The following CST9 variants were observed in gnomAD, a reference collection of about 807,000 sequenced individuals.
The protein encoded by CST9 is cystatin-9.
A neutral mutation model predicts 7.7 loss-of-function variants in CST9; 11 were observed. The ratio of observed to expected loss-of-function variants is 1.44; its 90% CI spans 0.90 to 2.38. The LOEUF is 2.38. Among genes scored for constraint, CST9 ranks in the 30% most tolerant of loss-of-function variants. CST9 has a pLI of 0.00. For missense variants in CST9, 214 were observed against 199.1 expected, an observed-to-expected ratio of 1.07 and a Z score of -0.45; for synonymous variants, 71 against 74.3, an observed-to-expected ratio of 0.96 and a Z score of 0.23.
Position 23,603,185 on chromosome 20 carries a change from G to A in CST9, c.*325C>T. The A allele has an allele frequency of 3.4e-6, 4 of 1,193,776 alleles. No homozygotes were observed. The highest frequency in any genetic ancestry group is 4.2e-6 in the Non-Finnish European group (4 of 957,110). 73.9% of individuals were successfully genotyped at this position (1,193,776 alleles called of 1,614,324 possible). On this transcript the variant is annotated 3_prime_UTR_variant, in exon 2 of 2. Transcript: ENST00000376971. ...TGCTGCAGCTCAGCAGGGCCTAGGA[G>A]CGAGGGCAGTGGGGCTTCTTCTCAG...
rs2983639 is a variant in CST9, at chr20:23,605,547, T to C, written c.255+63A>G. 1,269,939 of 1,567,536 alleles carry C rather than the reference T, an allele frequency of 0.81. 519,241 individuals carry two copies. Among genetic ancestry groups the C allele is most frequent in the Non-Finnish European group, 0.83 (955,993 of 1,151,976 alleles). On this transcript the variant is annotated intron_variant, in intron 1 of 1. Transcript: ENST00000376971. ...TGAACCAAGTCTCCTAGACTAGACA[T>C]CTTGGTCCCTCACTTAGGGGCAGAT... is the stretch of plus-strand genomic sequence containing the variant.
In CST9 at chr20:23,603,738, T is replaced by C. The variant is rs772014332; in HGVS notation, c.256-4A>G. On this transcript the variant is annotated splice_region_variant and splice_polypyrimidine_tract_variant and intron_variant, in intron 1 of 1. Transcript: ENST00000376971. ...AGAACACCATCTTACCTCGCCACTG[T>C]TGGACAAAAGAAGATTAAAGTGGAT... The C allele has an allele frequency of 1.2e-6, 2 of 1,614,136 alleles. No homozygotes were observed. The highest frequency in any genetic ancestry group is 2.2e-5 in the South Asian group (2 of 91,078).
At position 23,603,717 on chromosome 20, in the gene CST9, C is replaced by T. The variant is rs1241365941; in HGVS notation, c.273G>A (p.Val91=). The T allele has an allele frequency of 2.5e-6, 4 of 1,614,218 alleles. No individual in the cohort carries two copies. In the Admixed American group the frequency reaches 5.0e-5, roughly 20 times the overall value. ...GGCGCAGTTGCAGATTCATGGAGAA[C>T]ACCATCTTACCTCGCCACTGTTGGA... ...SMDRKWRGKM[V]FSMNLQLRQT... is the part of the protein sequence containing the mutation. Residue 91 remains valine (V), a synonymous_variant, in exon 2 of 2, where the codon GTG becomes GTA. Coordinates refer to ENST00000376971, the MANE Select transcript of CST9 (RefSeq NM_001008693.3).
Position 23,603,545 on chromosome 20 carries a change from CT to C in CST9, c.444del (p.Ala149LeufsTer53), listed in dbSNP as rs777334307. The C allele has an allele frequency of 6.2e-7, 1 of 1,614,214 alleles. No homozygotes were observed. The highest frequency in any genetic ancestry group is 1.7e-5 in the Admixed American group (1 of 60,032). ...CCMGCGVGTG[A>X]ADKAIPRDKG... ...TTGTCCCTCGGAATGGCTTTGTCAGCTGCTCCTGTGCCCACACCACACCCCA... is the reference window on the plus strand; with the variant it reads ...TTGTCCCTCGGAATGGCTTTGTCAGCGCTCCTGTGCCCACACCACACCCCA... On this transcript the variant is annotated frameshift_variant, in exon 2 of 2. Transcript: ENST00000376971. LOFTEE classifies it low-confidence loss of function (END_TRUNC).
rs1002840571 is a variant in CST9, at chr20:23,605,909, G to A, written c.-45C>T. On this transcript the variant is annotated 5_prime_UTR_variant, in exon 1 of 2. Transcript: ENST00000376971. ...CTTGCCTTTGCCCTTCAGATCCCTGGCGTCCACTGGAGCCTTCCAGGGCTC... is the reference window on the plus strand; with the variant it reads ...CTTGCCTTTGCCCTTCAGATCCCTGACGTCCACTGGAGCCTTCCAGGGCTC... 1.9e-6 allele frequency: 3 copies of A among 1,606,490 alleles called. No homozygotes were observed. The highest frequency in any genetic ancestry group is 2.7e-5 in the African/African-American group (2 of 74,682).
At position 23,605,727 on chromosome 20, in the gene CST9, C is replaced by T. The variant is rs760094100; in HGVS notation, c.138G>A (p.Met46Ile). The change falls in exon 1 of 2, where the codon ATG becomes ATA. Residue 46 changes from methionine (M) to isoleucine (I), a missense_variant. Coordinates refer to ENST00000376971, the MANE Select transcript of CST9 (RefSeq NM_001008693.3). Reference protein sequence around the residue: ...GGNNKIVQDPMFLATVEFALN... With the variant: ...GGNNKIVQDPIFLATVEFALN... The stretch of plus-strand genomic sequence containing the variant: ...AGGCAAACTCCACTGTGGCGAGGAA[C>T]ATAGGATCCTGGACTATTTTATTAT... 14 of 1,614,124 alleles carry T rather than the reference C, an allele frequency of 8.7e-6. No homozygotes were observed. The highest frequency in any genetic ancestry group is 1.6e-4 in the Middle Eastern group (1 of 6,084).
rs569509447 is a variant in CST9, at chr20:23,605,648, C to T, written c.217G>A (p.Val73Ile). Residue 73 changes from valine to isoleucine, a missense_variant, in exon 1 of 2, where the codon GTC (valine) becomes ATC (isoleucine). By Grantham distance (29) the Val-to-Ile change is conservative (BLOSUM62 3). Coordinates refer to ENST00000376971, the MANE Select transcript of CST9 (RefSeq NM_001008693.3). ...KEEHAYRLLR[V>I]LSSWREDSMD... ...CTATCCTCCCTCCATGAACTCAGGACGCGCAACAGCCTGTAGGCATGCTCC... is the reference window on the plus strand; with the variant it reads ...CTATCCTCCCTCCATGAACTCAGGATGCGCAACAGCCTGTAGGCATGCTCC... The T allele has an allele frequency of 9.9e-6, 16 of 1,614,112 alleles. No homozygotes were observed. The East Asian group carries it at 1.3e-4, about 13-fold the overall frequency.
At position 23,603,300 on chromosome 20, in the gene CST9, C is replaced by G; in HGVS notation, c.*210G>C. On this transcript the variant is annotated 3_prime_UTR_variant, in exon 2 of 2. Transcript: ENST00000376971. ...TCACCATTGTCTCCAGGCTCTTTCT[C>G]TAGAAGGCAGGGAAGAAGTGGGGAG... The G allele has an allele frequency of 1.4e-6, 2 of 1,423,568 alleles. No homozygotes were observed. Among genetic ancestry groups the G allele is most frequent in the Non-Finnish European group, 1.8e-6 (2 of 1,093,434 alleles). The allele number at this position is 1,423,568 out of a possible 1,614,324, so 88.2% of individuals were successfully genotyped here.
chr20:23,603,068 C>T lies in CST9; in HGVS notation c.*442G>A. 9.8e-7 allele frequency: 1 copy of T among 1,016,856 alleles called. No individual in the cohort carries two copies. Among genetic ancestry groups the T allele is most frequent in the Non-Finnish European group, 1.2e-6 (1 of 849,796 alleles). 63.0% of individuals were successfully genotyped at this position (1,016,856 alleles called of 1,614,324 possible). On this transcript the variant is annotated 3_prime_UTR_variant, in exon 2 of 2. Transcript: ENST00000376971. ...GTTCCCAGACTTAGGCAATTAGTTACCTATTTGTTAATCTTACAATAAGGG... is the reference window on the plus strand; with the variant it reads ...GTTCCCAGACTTAGGCAATTAGTTATCTATTTGTTAATCTTACAATAAGGG...
In CST9 at chr20:23,603,495, C is replaced by T; in HGVS notation, c.*15G>A. On this transcript the variant is annotated 3_prime_UTR_variant, in exon 2 of 2. Transcript: ENST00000376971. ...AAGGCACAAGCAGGGCAGCCTGGTA[C>T]AGCCTGCTGTGGGCTCACTTCCCTT... The T allele has an allele frequency of 5.6e-6, 9 of 1,613,438 alleles. No homozygotes were observed. Among genetic ancestry groups the T allele is most frequent in the South Asian group, 2.2e-5 (2 of 90,964 alleles).
rs1978648536 is a variant in CST9, at chr20:23,602,796, T to C, written c.*714A>G. On this transcript the variant is annotated 3_prime_UTR_variant, in exon 2 of 2. Coordinates refer to ENST00000376971, the MANE Select transcript of CST9 (RefSeq NM_001008693.3). Reference sequence around the variant, plus strand: ...TTGTGGCATCTGCCCTCAACACAGGTTCCATCTCCACCTTGCCCATTCCTG... The same window carrying C: ...TTGTGGCATCTGCCCTCAACACAGGCTCCATCTCCACCTTGCCCATTCCTG... 4 of 985,682 alleles carry C rather than the reference T, an allele frequency of 4.1e-6. No homozygotes were observed. The highest frequency in any genetic ancestry group is 4.8e-6 in the Non-Finnish European group (4 of 830,168). The allele number at this position is 985,682 out of a possible 1,614,324, so 61.1% of individuals were successfully genotyped here.
chr20:23,603,447 A>C lies in CST9; in HGVS notation c.*63T>G. 7 of 1,575,624 alleles carry C rather than the reference A, an allele frequency of 4.4e-6. No individual in the cohort carries two copies. Among genetic ancestry groups the C allele is most frequent in the Non-Finnish European group, 6.0e-6 (7 of 1,159,710 alleles). ...GGCCTGAAAGTGAACCCCTGGGCTT[A>C]ATGCCTCACTGGGCTTCCCACTAAG... On this transcript the variant is annotated 3_prime_UTR_variant, in exon 2 of 2. Coordinates refer to ENST00000376971, the MANE Select transcript of CST9 (RefSeq NM_001008693.3).
chr20:23,603,562 C>G lies in CST9; in HGVS notation c.428G>C (p.Gly143Ala). The G allele has an allele frequency of 6.2e-7, 1 of 1,614,204 alleles. No individual in the cohort carries two copies. Among genetic ancestry groups the G allele is most frequent in the Non-Finnish European group, 8.5e-7 (1 of 1,180,036 alleles). The stretch of plus-strand genomic sequence containing the variant: ...TTTGTCAGCTGCTCCTGTGCCCACA[C>G]CACACCCCATGCAGCATCCACAGCT... ...VHSCGCCMGC[G>A]VGTGAADKAI... The change falls in exon 2 of 2, where the codon GGT becomes GCT. Residue 143 changes from glycine (G) to alanine (A), a missense_variant. Physicochemically the swap from Gly to Ala is moderately conservative, Grantham distance 60 (BLOSUM62 0). Transcript: ENST00000376971.
Position 23,602,891 on chromosome 20 carries a change from C to A in CST9, c.*619G>T. 1 of 987,920 alleles carries A rather than the reference C, an allele frequency of 1.0e-6. No homozygotes were observed. The highest frequency in any genetic ancestry group is 1.2e-6 in the Non-Finnish European group (1 of 831,860). 61.2% of individuals were successfully genotyped at this position (987,920 alleles called of 1,614,324 possible). A position where few individuals can be genotyped will look rare whatever the true frequency, so the allele number is the denominator to read the frequency against. ...TGAGCCTGAGGCCAATCCTGAACTA[C>A]AACGTGATTTGAGGCTCCCTCCCTC... On this transcript the variant is annotated 3_prime_UTR_variant, in exon 2 of 2. Transcript: ENST00000376971.
At position 23,605,818 on chromosome 20, in the gene CST9, A is replaced by G. The variant is rs1391502069; in HGVS notation, c.47T>C (p.Leu16Pro). The G allele has an allele frequency of 6.2e-7, 1 of 1,614,112 alleles. No individual in the cohort carries two copies. The highest frequency in any genetic ancestry group is 8.5e-7 in the Non-Finnish European group (1 of 1,180,046). Residue 16 changes from leucine (L) to proline (P), a missense_variant, in exon 1 of 2, where the codon CTG (leucine) becomes CCG (proline). Physicochemically the swap from Leu to Pro is moderately conservative, Grantham distance 98. Transcript: ENST00000376971. ...CAGGAGCTGGAAGCCCATGAGAAGCAGTGACAGTGCCCAGGGCATAGCCTT... is the reference window on the plus strand; with the variant it reads ...CAGGAGCTGGAAGCCCATGAGAAGCGGTGACAGTGCCCAGGGCATAGCCTT... Reference protein sequence around the residue: ...RRKAMPWALSLLLMGFQLLVT... With the variant: ...RRKAMPWALSPLLMGFQLLVT...
At position 23,603,060 on chromosome 20, in the gene CST9, A is replaced by G. The variant is rs1568691960; in HGVS notation, c.*450T>C. ...TGGAAGCAGTTCCCAGACTTAGGCA[A>G]TTAGTTACCTATTTGTTAATCTTAC... is the stretch of plus-strand genomic sequence containing the variant. On this transcript the variant is annotated 3_prime_UTR_variant, in exon 2 of 2. Coordinates refer to ENST00000376971, the MANE Select transcript of CST9 (RefSeq NM_001008693.3). 2 of 1,013,944 alleles carry G rather than the reference A, an allele frequency of 2.0e-6. No individual in the cohort carries two copies. Among genetic ancestry groups the G allele is most frequent in the African/African-American group, 1.7e-5 (1 of 57,734 alleles). The allele number at this position is 1,013,944 out of a possible 1,614,324, so 62.8% of individuals were successfully genotyped here. A position where few individuals can be genotyped will look rare whatever the true frequency, so the allele number is the denominator to read the frequency against.
chr20:23,605,519 T>A, intron 1 of CST9, 91 bp downstream of exon 1: 11 of 1,429,806 alleles, frequency 7.7e-6, no homozygotes, highest in Non-Finnish European at 1.1e-5. Flanking sequence ...GGACTGCTGA[T>A]GGTGAACCAA....
At chr20:23,604,086 A>G (rs1978696485) in intron 1 of CST9, among the ~76,000 whole-genome samples, 1 of 152,206 alleles carries the variant, frequency 6.6e-6, no homozygotes, top group Admixed American at 6.5e-5. Context: ...ACAGAGCCAC[A>G]TGTCCGGGAG....
Position 23,603,252 on chromosome 20 carries a change from G to A in CST9, c.*258C>T, listed in dbSNP as rs1978665111. ...GTCTAGGGCAGGGTAGGGAAACCCT[G>A]AGAAAAGTACCCACAGACATTGTCA... On this transcript the variant is annotated 3_prime_UTR_variant, in exon 2 of 2. Coordinates refer to ENST00000376971, the MANE Select transcript of CST9 (RefSeq NM_001008693.3). 2 of 1,345,258 alleles carry A rather than the reference G, an allele frequency of 1.5e-6. No homozygotes were observed. The highest frequency in any genetic ancestry group is 1.5e-5 in the African/African-American group (1 of 67,934). 83.3% of individuals were successfully genotyped at this position (1,345,258 alleles called of 1,614,324 possible). A position where few individuals can be genotyped will look rare whatever the true frequency, so the allele number is the denominator to read the frequency against.
Sources: allele counts gnomAD v4.1 joint callset (sites outside exome capture counted in the v4.1 genomes callset), GRCh38; gene constraint gnomAD v4.1.1; transcripts MANE v1.5; gene names NCBI Gene and HGNC (gene_info 2026-07-23, HGNC 2026-07-21).